PRKCH: variants seen among roughly 807,000 people sequenced by gnomAD.
The protein encoded by PRKCH is protein kinase C eta.
PRKCH carries 28 observed loss-of-function variants against 82.5 expected under a neutral mutation model. The ratio of observed to expected loss-of-function variants is 0.34; its 90% confidence interval spans 0.25 to 0.47. The LOEUF (loss-of-function observed/expected upper bound fraction) is 0.47. PRKCH is among the 20% of genes least tolerant of loss of function. The pLI is 1.00. For missense variants in PRKCH, 705 were observed against 881.8 expected (o/e 0.80, Z 2.54); for synonymous variants, 322 against 327.4 (o/e 0.98, Z 0.18).
chr14:61,263,849 G>C, intron 1 of PRKCH, among the ~76,000 whole-genome samples: 1 of 2,850 alleles, frequency 3.5e-4, no homozygotes, highest in Admixed American at 5.4e-3. Context: ...TCAGAGTATT[G>C]TGTGTGTGTG....
At chr14:61,493,821 T>C (rs1417198843) in intron 10 of PRKCH, among the ~76,000 whole-genome samples, 1 of 151,492 alleles carries the variant, frequency 6.6e-6, no homozygotes, top group Non-Finnish European at 1.5e-5. Context: ...AGTAACAAGA[T>C]AATGAGGACC....
At chr14:61,364,710 G>A (rs1313868445) in intron 1 of PRKCH, among the ~76,000 whole-genome samples, 2 of 152,032 alleles carry the variant, frequency 1.3e-5, no homozygotes, top group East Asian at 1.9e-4. Context: ...ATGGTGGTGT[G>A]TGCCTGTAGT....
chr14:61,401,410 T>A (rs1332187059), intron 2 of PRKCH, among the ~76,000 whole-genome samples: 1 of 151,950 alleles, frequency 6.6e-6, no homozygotes, highest in Non-Finnish European at 1.5e-5. Flanking sequence ...TTGTTGGAAA[T>A]TTTAAAATTC....
intron 1 of PRKCH, chr14:61,304,062 T>TA (rs2045466620): frequency 6.6e-6 from 1 of 152,086 alleles, no homozygotes; most frequent in Admixed American, 6.5e-5. Flanking sequence ...CTGACTACCA[T>TA]AGTAGTCAGC....
At chr14:61,434,791 A>G (rs1237773273) in intron 2 of PRKCH, among the ~76,000 whole-genome samples, 2 of 152,180 alleles carry the variant, frequency 1.3e-5, no homozygotes, top group African/African-American at 2.4e-5. Flanking sequence ...GAGACCAAAG[A>G]GAGAGGATCA....
chr14:61,323,107 A>G (rs1340078884), intron 1 of PRKCH, among the ~76,000 whole-genome samples: 1 of 152,108 alleles, frequency 6.6e-6, no homozygotes, highest in Non-Finnish European at 1.5e-5. Flanking sequence ...GGAGTCCTGC[A>G]GTGTGGGTTT....
At chr14:61,327,272 A>G in intron 1 of PRKCH, 1 of 338,414 alleles carries the variant, frequency 3.0e-6, no homozygotes, top group Non-Finnish European at 5.9e-6. Context: ...TCCTGGATCC[A>G]GGTGTCTGAA....
intron 7 of PRKCH, among the ~76,000 whole-genome samples, chr14:61,453,992 G>A (rs12372896): frequency 0.15 from 23,401 of 151,986 alleles, 4,949 homozygotes; most frequent in African/African-American, 0.48. Flanking sequence ...TTTGTTTCAC[G>A]GATAAGATTG....
chr14:61,512,811 T>G (rs538218457), intron 10 of PRKCH, among the ~76,000 whole-genome samples: 3 of 151,832 alleles, frequency 2.0e-5, no homozygotes, highest in East Asian at 3.9e-4. Context: ...GTTTTGGGGG[T>G]TTTTTAAATA....
intron 2 of PRKCH, among the ~76,000 whole-genome samples, chr14:61,432,558 C>T (rs545231919): frequency 1.3e-5 from 2 of 152,248 alleles, no homozygotes; most frequent in Admixed American, 6.5e-5. Flanking sequence ...TGGTCTTAAA[C>T]TTCTGGCTTC....
intron 13 of PRKCH, among the ~76,000 whole-genome samples, chr14:61,549,256 T>A (rs2043297474): frequency 6.6e-6 from 1 of 152,222 alleles, no homozygotes; most frequent in Non-Finnish European, 1.5e-5. Context: ...TCTCTTCAAA[T>A]GTCTAGAACT....
At chr14:61,231,362 ATT>A (rs10656204) in intron 1 of PRKCH, among the ~76,000 whole-genome samples, 1 of 128,538 alleles carries the variant, frequency 7.8e-6, no homozygotes, top group African/African-American at 3.0e-5. Flanking sequence ...ATCCAGATGA[ATT>A]TTTTTTTTTT....
intron 1 of PRKCH, among the ~76,000 whole-genome samples, chr14:61,220,207 G>T (rs2140052025): frequency 6.6e-6 from 1 of 152,338 alleles, no homozygotes; most frequent in Admixed American, 6.5e-5. Flanking sequence ...GGTTGTGAGA[G>T]GTGAAGGCTC....
intron 1 of PRKCH, among the ~76,000 whole-genome samples, chr14:61,254,426 A>G (rs2044978711): frequency 6.6e-6 from 1 of 152,152 alleles, no homozygotes; most frequent in Non-Finnish European, 1.5e-5. Flanking sequence ...CAGCCTGGGC[A>G]ACATAGGGAG....
chr14:61,391,015 GA>G (rs2046670844), intron 1 of PRKCH, among the ~76,000 whole-genome samples: 1 of 152,168 alleles, frequency 6.6e-6, no homozygotes, highest in African/African-American at 2.4e-5. Flanking sequence ...CAAGAGGAAG[GA>G]AACTGATAAA....
intron 2 of PRKCH, among the ~76,000 whole-genome samples, chr14:61,401,481 C>A (rs1282276417): frequency 6.6e-6 from 1 of 152,174 alleles, no homozygotes; most frequent in African/African-American, 2.4e-5. Context: ...AGGAAGTCTG[C>A]AGTTCCAAAC....
Position 61,321,873 on chromosome 14 carries a change from G to A in PRKCH, c.-229G>A. 3 of 459,690 alleles carry A rather than the reference G, an allele frequency of 6.5e-6. No homozygotes were observed. Among genetic ancestry groups the A allele is most frequent in the Non-Finnish European group, 1.2e-5 (3 of 255,844 alleles). 28.5% of individuals were successfully genotyped at this position (459,690 alleles called of 1,614,324 possible). A position where few individuals can be genotyped will look rare whatever the true frequency, so the allele number is the denominator to read the frequency against. On this transcript the variant is annotated 5_prime_UTR_variant, in exon 1 of 14. Coordinates refer to ENST00000332981, the MANE Select transcript of PRKCH (RefSeq NM_006255.5). The surrounding 1 kb of genome is among the most constrained non-coding windows in gnomAD (Gnocchi z 4.1). ...CGGTCGGGCTTCCCCGGCCCGCTGA[G>A]GGCTCGGCGGCGGGCTCCCCTCCTT...
chr14:61,258,988 T>C (rs1037268334), intron 1 of PRKCH, among the ~76,000 whole-genome samples: 7 of 152,226 alleles, frequency 4.6e-5, no homozygotes, highest in Non-Finnish European at 1.0e-4. Flanking sequence ...TATTTTTATT[T>C]CACTTTTGCC....
chr14:61,506,089 C>A (rs892593266), intron 10 of PRKCH, among the ~76,000 whole-genome samples: 1 of 152,122 alleles, frequency 6.6e-6, no homozygotes, highest in Non-Finnish European at 1.5e-5. Context: ...TTCAGTCTTA[C>A]ATTTCAATAG....
Sources: allele counts gnomAD v4.1 joint callset (sites outside exome capture counted in the v4.1 genomes callset), GRCh38; gene constraint gnomAD v4.1.1; non-coding constraint Gnocchi (gnomAD v3.1); transcripts MANE v1.5; gene names NCBI Gene and HGNC (gene_info 2026-07-23, HGNC 2026-07-21).